The following AHR variants were observed in gnomAD, a reference collection of about 807,000 sequenced individuals.
AHR encodes the protein AH-receptor.
A neutral mutation model predicts 86.8 loss-of-function variants in AHR; 40 were observed. The observed-to-expected ratio is 0.46, with a 90% CI of 0.36 to 0.60. The LOEUF (loss-of-function observed/expected upper bound fraction) is 0.60. Among genes scored for constraint, AHR ranks in the 20% least tolerant of loss-of-function variants. The pLI is 0.00. For synonymous variants in AHR, 398 were observed against 354.9 expected (o/e 1.12, Z -1.37); for missense variants, 1,001 against 1,011.6 (o/e 0.99, Z 0.14).
At chr7:17,313,108 A>G (rs1318256619) in intron 2 of AHR, among the ~76,000 whole-genome samples, 1 of 152,208 alleles carries the variant, frequency 6.6e-6, no homozygotes, top group Non-Finnish European at 1.5e-5. Context: ...ACATACAGTT[A>G]GATGGAAAAT....
At position 17,299,097 on chromosome 7, in the gene AHR, A is replaced by G; in HGVS notation, c.-168A>G. The stretch of plus-strand genomic sequence containing the variant: ...GGGCTGCGGAAGCCTGCGTGAGCCG[A>G]GGCGTTGAGGCGCGGCGCCCACGCC... On this transcript the variant is annotated 5_prime_UTR_variant, in exon 1 of 11. Coordinates refer to ENST00000242057, the MANE Select transcript of AHR (RefSeq NM_001621.5). 3 of 647,248 alleles carry G rather than the reference A, an allele frequency of 4.6e-6. No individual in the cohort carries two copies. Among genetic ancestry groups the G allele is most frequent in the Non-Finnish European group, 4.8e-6 (2 of 412,842 alleles). The allele number at this position is 647,248 out of a possible 1,614,324, so 40.1% of individuals were successfully genotyped here. A position where few individuals can be genotyped will look rare whatever the true frequency, so the allele number is the denominator to read the frequency against.
rs756515416 is a variant in AHR, at chr7:17,327,827, A to G, written c.429A>G (p.Gln143=). The G allele has an allele frequency of 1.3e-6, 2 of 1,540,272 alleles. No individual in the cohort carries two copies. The highest frequency in any genetic ancestry group is 1.8e-6 in the Non-Finnish European group (2 of 1,131,844). The part of the protein sequence containing the change: ...ALVFYASSTI[Q]DYLGFQQSDV... ...TCTTTTATGCTTCTTCTACTATACA[A>G]GATTATCTAGGGTTTCAGCAGGTAA... The change falls in exon 4 of 11, where the codon CAA becomes CAG. Residue 143 remains glutamine (Q), a synonymous_variant. Coordinates refer to ENST00000242057, the MANE Select transcript of AHR (RefSeq NM_001621.5).
At chr7:17,338,219 A>G (rs569869472) in intron 9 of AHR, among the ~76,000 whole-genome samples, 1 of 151,120 alleles carries the variant, frequency 6.6e-6, no homozygotes, top group South Asian at 2.1e-4. Context: ...AAAAAAATCT[A>G]TTGCAAAAAT....
intron 2 of AHR, among the ~76,000 whole-genome samples, chr7:17,315,403 T>C (rs1198119291): frequency 6.6e-6 from 1 of 152,068 alleles, no homozygotes; most frequent in Admixed American, 6.6e-5. Flanking sequence ...ATTCAAACAA[T>C]CTAAACTCAT....
chr7:17,340,660 T>TA (rs1420813225), intron 10 of AHR, among the ~76,000 whole-genome samples: 3 of 152,340 alleles, frequency 2.0e-5, no homozygotes, highest in African/African-American at 7.2e-5. Flanking sequence ...CTCTATTTTT[T>TA]TATATATGTT....
intron 1 of AHR, among the ~76,000 whole-genome samples, chr7:17,303,870 A>G (rs1400098809): frequency 1.3e-5 from 2 of 152,112 alleles, no homozygotes; most frequent in Non-Finnish European, 2.9e-5. Context: ...ACATTCCATC[A>G]TCAATCTGGG....
rs533455552 is a variant in AHR at position 17,325,803 on chromosome 7, G to A, written c.361-1956G>A. Among the ~76,000 whole-genome samples the A allele has an allele frequency of 4.6e-5, 7 of 152,268 alleles. No individual in the cohort carries two copies. In the South Asian group the frequency reaches 1.5e-3, roughly 32 times the overall value. On this transcript the variant is annotated intron_variant, in intron 3 of 10. Coordinates refer to ENST00000242057, the MANE Select transcript of AHR (RefSeq NM_001621.5). Reference sequence around the variant, plus strand: ...CACTGGGGCCGTTTAGAGGCTGCAGGGTGGGAGGAGGGAGAGAGGATCAGG... The same window carrying A: ...CACTGGGGCCGTTTAGAGGCTGCAGAGTGGGAGGAGGGAGAGAGGATCAGG...
chr7:17,312,763 ATTATCT>A (rs1282545322), intron 2 of AHR, among the ~76,000 whole-genome samples: 6 of 152,176 alleles, frequency 3.9e-5, no homozygotes, highest in African/African-American at 4.8e-5. Flanking sequence ...CTACATTATC[ATTATCT>A]TTAACGTTAG....
intron 4 of AHR, among the ~76,000 whole-genome samples, chr7:17,328,387 C>T (rs1182406413): frequency 6.6e-6 from 1 of 151,876 alleles, no homozygotes; most frequent in African/African-American, 2.4e-5. Flanking sequence ...AGGAAACAGA[C>T]GTGTCTGACT....
In AHR at chr7:17,330,014, G is replaced by C; in HGVS notation, c.513G>C (p.Gln171His). The C allele has an allele frequency of 6.2e-7, 1 of 1,611,284 alleles. No homozygotes were observed. The highest frequency in any genetic ancestry group is 8.5e-7 in the Non-Finnish European group (1 of 1,177,900). Residue 171 changes from glutamine to histidine, a missense_variant, in exon 5 of 11, where the codon CAG (glutamine) becomes CAC (histidine). Gln to His is a conservative substitution (Grantham distance 24, BLOSUM62 0). Around this residue, in one of 2 missense-constraint regions of AHR, gnomAD observed 394 missense variants for 468.5 expected, o/e 0.84. Coordinates refer to ENST00000242057, the MANE Select transcript of AHR (RefSeq NM_001621.5). ...ATACCGAAGACCGAGCTGAATTTCA[G>C]CGTCAGCTACACTGGGCATTAAATC... Reference protein sequence around the residue: ...LIHTEDRAEFQRQLHWALNPS... With the variant: ...LIHTEDRAEFHRQLHWALNPS...
rs1442532624 is a variant in AHR, at chr7:17,340,001, C to G, written c.2176C>G (p.Pro726Ala). 6.2e-7 allele frequency: 1 copy of G among 1,614,176 alleles called. No homozygotes were observed. The highest frequency in any genetic ancestry group is 1.7e-5 in the Admixed American group (1 of 60,024). The part of the protein sequence containing the change: ...ELDYPMGSFE[P>A]SPYPTTSSLE... ...GGACTACCCTATGGGGAGTTTTGAACCATCCCCATACCCCACTACTTCTAG... is the reference window on the plus strand; with the variant it reads ...GGACTACCCTATGGGGAGTTTTGAAGCATCCCCATACCCCACTACTTCTAG... Residue 726 changes from proline to alanine, a missense_variant, in exon 10 of 11, where the codon CCA (proline) becomes GCA (alanine). Pro to Ala is a conservative substitution (Grantham distance 27). Coordinates refer to ENST00000242057, the MANE Select transcript of AHR (RefSeq NM_001621.5).
chr7:17,337,964 C>A (rs1361240037), intron 9 of AHR, among the ~76,000 whole-genome samples: 1 of 150,956 alleles, frequency 6.6e-6, no homozygotes, highest in African/African-American at 2.4e-5. Flanking sequence ...ATTCTATTGC[C>A]CGAGGCGGGC....
chr7:17,324,590 C>G (rs545932037), intron 3 of AHR, among the ~76,000 whole-genome samples: 1 of 152,172 alleles, frequency 6.6e-6, no homozygotes, highest in Non-Finnish European at 1.5e-5. Context: ...ATCACGAGGT[C>G]AGGAGTTCAA....
At chr7:17,302,463 A>G (rs920805372) in intron 1 of AHR, among the ~76,000 whole-genome samples, 71 of 152,060 alleles carry the variant, frequency 4.7e-4, no homozygotes, top group Non-Finnish European at 1.2e-4. Context: ...CTATAAATTT[A>G]TGGTGCCATT....
chr7:17,342,988 C>T lies in AHR; in HGVS notation c.2471C>T (p.Thr824Ile). 6.2e-7 allele frequency: 1 copy of T among 1,613,452 alleles called. No homozygotes were observed. The highest frequency in any genetic ancestry group is 1.1e-5 in the South Asian group (1 of 91,054). Residue 824 changes from threonine (T) to isoleucine (I), a missense_variant, in exon 11 of 11, where the codon ACC (threonine) becomes ATC (isoleucine). This residue lies in a region of AHR where 607 missense variants were observed against 543.1 expected (regional missense o/e 1.12). Transcript: ENST00000242057. ...AATAACATAAATAACACTCAGACTACCACACATCTTCAGCCACTTCATCAT... is the reference window on the plus strand; with the variant it reads ...AATAACATAAATAACACTCAGACTATCACACATCTTCAGCCACTTCATCAT... ...ELNNINNTQT[T>I]THLQPLHHPS... is the part of the protein sequence containing the mutation.
At position 17,346,077 on chromosome 7, in the gene AHR, A is replaced by G. The variant is rs1294793121; in HGVS notation, c.*3013A>G. On this transcript the variant is annotated 3_prime_UTR_variant, in exon 11 of 11. Transcript: ENST00000242057. ...ATATATCATGCATAGATTTTTGCTTAAAGTATGATTTATAATATCCTCATT... is the reference window on the plus strand; with the variant it reads ...ATATATCATGCATAGATTTTTGCTTGAAGTATGATTTATAATATCCTCATT... The G allele has an allele frequency of 6.5e-6, 1 of 152,672 alleles. No individual in the cohort carries two copies. Among genetic ancestry groups the G allele is most frequent in the Non-Finnish European group, 1.5e-5 (1 of 68,000 alleles). 9.5% of individuals were successfully genotyped at this position (152,672 alleles called of 1,614,324 possible).
rs548018106 is a variant in AHR at position 17,335,609 on chromosome 7, G to T, written c.1019-36G>T. ...GAATAATCTTTACTATATTGATTTG[G>T]GGGTTTGATAATTTAATTTTTTAAT... On this transcript the variant is annotated intron_variant, in intron 8 of 10. Transcript: ENST00000242057. The T allele has an allele frequency of 5.6e-5, 84 of 1,510,292 alleles. No individual in the cohort carries two copies. The East Asian group carries it at 1.1e-3, about 19-fold the overall frequency. 93.6% of individuals were successfully genotyped at this position (1,510,292 alleles called of 1,614,324 possible). A position where few individuals can be genotyped will look rare whatever the true frequency, so the allele number is the denominator to read the frequency against.
Position 17,316,964 on chromosome 7 carries a change from ATGCT to A in AHR, c.254-5529_254-5526del, listed in dbSNP as rs533852713. 2.2e-3 allele frequency among the ~76,000 whole-genome samples: 341 copies of A among 152,236 alleles called. 3 individuals carry two copies. The highest frequency in any genetic ancestry group is 8.0e-3 in the African/African-American group (332 of 41,542). ...CATCTTCTCAGCATGTTTGATAAAG[ATGCT>A]TGCTTGCCCTGATATATTAGGTTTG... On this transcript the variant is annotated intron_variant, in intron 2 of 10. Transcript: ENST00000242057.
chr7:17,308,274 T>C (rs2237299), intron 1 of AHR, among the ~76,000 whole-genome samples: 91,706 of 151,866 alleles, frequency 0.6, 28,273 homozygotes, highest in Middle Eastern at 0.64. Flanking sequence ...TACAGTTCAC[T>C]AATCCTTAGT....
Sources: allele counts gnomAD v4.1 joint callset (sites outside exome capture counted in the v4.1 genomes callset), GRCh38; gene constraint gnomAD v4.1.1; regional missense constraint gnomAD v4.1.1; transcripts MANE v1.5; gene names NCBI Gene and HGNC (gene_info 2026-07-23, HGNC 2026-07-21).